The following ROBO2 variants were observed in gnomAD, a reference collection of about 807,000 sequenced individuals.
The protein encoded by ROBO2 is roundabout homolog 2.
ROBO2 carries 53 observed loss-of-function variants against 160.8 expected under a neutral mutation model. That is an observed-to-expected ratio of 0.33 (90% confidence interval 0.26 to 0.41). The LOEUF is 0.41. Ranked by LOEUF, ROBO2 falls within the 10% of genes least tolerant of loss-of-function variation. The pLI is 1.00. For missense variants in ROBO2, 1,577 were observed against 1,722.4 expected (o/e 0.92, Z 1.49); for synonymous variants, 664 against 611.7 (o/e 1.09, Z -1.26).
intron 2 of ROBO2, among the ~76,000 whole-genome samples, chr3:76,446,198 G>T (rs543970687): frequency 6.6e-6 from 1 of 152,106 alleles, no homozygotes; most frequent in Non-Finnish European, 1.5e-5. Flanking sequence ...AAAGTCTCAG[G>T]ATACAAAATC....
chr3:77,504,139 T>A (rs1444628109), intron 5 of ROBO2, among the ~76,000 whole-genome samples: 1 of 152,162 alleles, frequency 6.6e-6, no homozygotes, highest in African/African-American at 2.4e-5. Context: ...CTCTGAGAAG[T>A]GATTCATCAT....
chr3:76,876,676 AG>A (rs1458253729), intron 2 of ROBO2, among the ~76,000 whole-genome samples: 1 of 152,036 alleles, frequency 6.6e-6, no homozygotes, highest in African/African-American at 2.4e-5. Flanking sequence ...CTCTGTCTCA[AG>A]AAAAAAAAAA....
At chr3:76,114,695 T>C (rs2108256638) in intron 2 of ROBO2, among the ~76,000 whole-genome samples, 1 of 152,228 alleles carries the variant, frequency 6.6e-6, no homozygotes, top group South Asian at 2.1e-4. Flanking sequence ...GCCCACATAC[T>C]TTTCACTTTA....
chr3:77,219,434 G>GTGTATATATATATATATA (rs1553852643), intron 2 of ROBO2, among the ~76,000 whole-genome samples: 3 of 115,254 alleles, frequency 2.6e-5, no homozygotes, highest in East Asian at 2.6e-4. Context: ...GTATGTGTGT[G>GTGTATATATATATATATA]TATATATATA....
At chr3:76,844,360 A>G (rs1298234729) in intron 2 of ROBO2, among the ~76,000 whole-genome samples, 1 of 152,000 alleles carries the variant, frequency 6.6e-6, no homozygotes, top group African/African-American at 2.4e-5. Context: ...ACAAATTAGA[A>G]TATATAGAAA....
chr3:76,634,079 T>C (rs942989767), intron 2 of ROBO2, among the ~76,000 whole-genome samples: 3 of 152,204 alleles, frequency 2.0e-5, no homozygotes, highest in Admixed American at 1.3e-4. Context: ...ATACCACAGA[T>C]TGGATGGCTT....
At chr3:75,931,593 T>A (rs977191724) in intron 1 of ROBO2, among the ~76,000 whole-genome samples, 1 of 152,100 alleles carries the variant, frequency 6.6e-6, no homozygotes, top group African/African-American at 2.4e-5. Context: ...CTCAAGTGAT[T>A]CATCCGCCTT....
intron 2 of ROBO2, among the ~76,000 whole-genome samples, chr3:76,628,884 A>G (rs1468086490): frequency 6.6e-6 from 1 of 152,254 alleles, no homozygotes; most frequent in Non-Finnish European, 1.5e-5. Flanking sequence ...ATAGTCAATT[A>G]TGTATCTAAC....
intron 2 of ROBO2, among the ~76,000 whole-genome samples, chr3:77,009,235 T>C (rs935923823): frequency 1.3e-5 from 2 of 152,220 alleles, no homozygotes; most frequent in African/African-American, 4.8e-5. Context: ...ATTCAGTTTG[T>C]GAATATTTAC....
At chr3:77,213,028 A>G (rs1370267698) in intron 2 of ROBO2, among the ~76,000 whole-genome samples, 1 of 152,114 alleles carries the variant, frequency 6.6e-6, no homozygotes, top group East Asian at 1.9e-4. Context: ...ATATTGGTCT[A>G]AAATTCTCTT....
intron 1 of ROBO2, among the ~76,000 whole-genome samples, chr3:77,062,986 C>A (rs1424279544): frequency 6.6e-6 from 1 of 152,024 alleles, no homozygotes; most frequent in East Asian, 1.9e-4. Context: ...AATTTTATCC[C>A]AAGGATAATA....
At chr3:76,861,582 G>A (rs2070782838) in intron 2 of ROBO2, among the ~76,000 whole-genome samples, 1 of 152,058 alleles carries the variant, frequency 6.6e-6, no homozygotes, top group South Asian at 2.1e-4. Context: ...CTACTGTCAA[G>A]TTTTCAAATC....
At chr3:76,304,248 C>A (rs2071214181) in intron 2 of ROBO2, among the ~76,000 whole-genome samples, 1 of 152,118 alleles carries the variant, frequency 6.6e-6, no homozygotes, top group African/African-American at 2.4e-5. Context: ...GCAGGCTGAG[C>A]TAGAAAGGAT....
At chr3:76,035,721 A>G (rs982071151) in intron 2 of ROBO2, among the ~76,000 whole-genome samples, 3 of 152,072 alleles carry the variant, frequency 2.0e-5, no homozygotes. Context: ...GTACCTTGAT[A>G]TGCCACATAA....
chr3:76,978,672 A>G (rs2059928804), intron 2 of ROBO2, among the ~76,000 whole-genome samples: 1 of 152,136 alleles, frequency 6.6e-6, no homozygotes, highest in South Asian at 2.1e-4. Context: ...GAGAAATAAA[A>G]TAGGTAACAG....
At chr3:76,432,099 C>T (rs191445814) in intron 2 of ROBO2, among the ~76,000 whole-genome samples, 2 of 152,164 alleles carry the variant, frequency 1.3e-5, no homozygotes, top group East Asian at 3.9e-4. Context: ...ATTTGGTCTC[C>T]TACAAAGTTG....
At chr3:77,023,099 CAT>C (rs2062742250) in intron 2 of ROBO2, among the ~76,000 whole-genome samples, 1 of 152,166 alleles carries the variant, frequency 6.6e-6, no homozygotes, top group Non-Finnish European at 1.5e-5. Context: ...AGAATTCCCA[CAT>C]GTTGTGGGAG....
intron 2 of ROBO2, among the ~76,000 whole-genome samples, chr3:76,632,242 G>C (rs2090075233): frequency 6.6e-6 from 1 of 152,188 alleles, no homozygotes; most frequent in Admixed American, 6.5e-5. Flanking sequence ...GTCCTCATCT[G>C]TAAATGAGGC....
intron 2 of ROBO2, among the ~76,000 whole-genome samples, chr3:76,350,371 C>T (rs34123767): frequency 0.089 from 13,492 of 152,096 alleles, 655 homozygotes; most frequent in Non-Finnish European, 0.1. Context: ...GAGAATATCA[C>T]ATTCTCCTTA....
Sources: gnomAD v4.1 joint callset for allele counts (sites outside exome capture counted in the v4.1 genomes callset) on GRCh38, gnomAD v4.1.1 for gene constraint, MANE v1.5 for transcripts, NCBI Gene and HGNC (gene_info 2026-07-23, HGNC 2026-07-21) for gene names.